DMD: variants seen among roughly 807,000 people sequenced by gnomAD.
DMD encodes the protein mutant dystrophin.
In DMD, 63 loss-of-function variants were observed where a neutral mutation model predicts 330.1. That is an observed-to-expected ratio of 0.19 (90% CI 0.16 to 0.24). The LOEUF is 0.24. DMD is among the 10% of genes least tolerant of loss of function. The pLI is 1.00. For synonymous variants in DMD, 1,223 were observed against 959.8 expected (o/e 1.27, Z -5.07); for missense variants, 3,344 against 2,684.1 (o/e 1.25, Z -5.43).
intron 47 of DMD, among the ~76,000 whole-genome samples, chrX:31,889,783 T>TA (rs1282148180): frequency 1.8e-5 from 2 of 109,364 alleles, no homozygotes; most frequent in Non-Finnish European, 3.8e-5. Flanking sequence ...AAAGTAGCAC[T>TA]AAACAAGGGC....
intron 4 of DMD, among the ~76,000 whole-genome samples, chrX:32,823,698 G>A (rs2078465668): frequency 9.0e-6 from 1 of 111,514 alleles, no homozygotes; most frequent in African/African-American, 3.3e-5. Flanking sequence ...TTCTAGTATG[G>A]AATTACAACT....
At position 31,232,814 on chromosome X, in the gene DMD, CAG is replaced by C. The variant is rs769900667; in HGVS notation, c.9287-9695_9287-9694del. On this transcript the variant is annotated intron_variant, in intron 63 of 78. Transcript: ENST00000357033. ...TGGAAGTGGGAGAAGGCACTGGAAA[CAG>C]AGGGATTACATACCAGCTCTGCATC... Among the ~76,000 whole-genome samples the C allele has an allele frequency of 9.8e-5, 11 of 111,931 alleles. 1 individual carries two copies. In the East Asian group the frequency reaches 3.1e-3, roughly 31 times the overall value.
intron 2 of DMD, among the ~76,000 whole-genome samples, chrX:32,975,480 G>A (rs4322157): frequency 0.46 from 49,105 of 105,728 alleles, 9,225 homozygotes; most frequent in African/African-American, 0.67. Context: ...AGTAGATAGG[G>A]AGGAGTCCTT....
At chrX:32,397,860 AT>A (rs745497968) in intron 30 of DMD, among the ~76,000 whole-genome samples, 9 of 111,517 alleles carry the variant, frequency 8.1e-5, no homozygotes, top group African/African-American at 2.9e-4. Context: ...AGAAAATGAT[AT>A]CAAATAATTA....
chrX:33,171,040 C>T (rs774448091), intron 1 of DMD, among the ~76,000 whole-genome samples: 61 of 111,686 alleles, frequency 5.5e-4, no homozygotes, highest in African/African-American at 2.0e-3. Flanking sequence ...TGTGTCAATC[C>T]TTCTGACAAT....
chrX:32,982,396 T>C (rs1318411733), intron 2 of DMD, among the ~76,000 whole-genome samples: 1 of 111,866 alleles, frequency 8.9e-6, no homozygotes, highest in African/African-American at 3.2e-5. Context: ...ATATCTGCAC[T>C]ATGGATTTTT....
intron 60 of DMD, among the ~76,000 whole-genome samples, chrX:31,373,598 G>A (rs923071774): frequency 3.8e-5 from 4 of 106,436 alleles, no homozygotes; most frequent in African/African-American, 1.4e-4. Context: ...AAATGGTGCT[G>A]GGAAAACTGG....
rs1207796595 is a variant in DMD, at chrX:31,955,307, T to A, written c.6614+13032A>T. On this transcript the variant is annotated intron_variant, in intron 45 of 78. Transcript: ENST00000357033. ...ATAATCATAAATGTAGTGGGGAATA[T>A]TCACTTTCTTATTTGTTCTACCCTG... Among the ~76,000 whole-genome samples the A allele has an allele frequency of 1.2e-4, 13 of 112,331 alleles. 1 individual carries two copies. The highest frequency in any genetic ancestry group is 3.8e-5 in the Non-Finnish European group (2 of 53,294).
chrX:32,448,780 C>T (rs1163021724), intron 26 of DMD, 142 bp from the exon 27 acceptor site: 1 of 521,040 alleles, frequency 1.9e-6, no homozygotes, highest in Non-Finnish European at 3.0e-6. Context: ...GAACTCCAGT[C>T]TCTTCCATAA....
chrX:31,711,481 G>A (rs923606288), intron 52 of DMD, among the ~76,000 whole-genome samples: 1 of 110,921 alleles, frequency 9.0e-6, no homozygotes, highest in African/African-American at 3.3e-5. Context: ...TTATTTTTAG[G>A]AAGTCAATCT....
chrX:32,345,603 G>C (rs2097761093), intron 39 of DMD, among the ~76,000 whole-genome samples: 1 of 111,086 alleles, frequency 9.0e-6, no homozygotes, highest in East Asian at 2.8e-4. Flanking sequence ...GATACATGTA[G>C]ATCGGTTATT....
At chrX:32,219,246 C>A (rs1195224884) in intron 43 of DMD, among the ~76,000 whole-genome samples, 2 of 111,796 alleles carry the variant, frequency 1.8e-5, no homozygotes, top group Admixed American at 1.9e-4. Flanking sequence ...ATTTAGCATT[C>A]ATATATTTTC....
intron 3 of DMD, among the ~76,000 whole-genome samples, chrX:32,847,938 T>C (rs1354705526): frequency 8.9e-6 from 1 of 112,303 alleles, no homozygotes; most frequent in Admixed American, 9.4e-5. Context: ...ACATCATAAG[T>C]TTAGAGAAAG....
At chrX:32,484,630 T>C (rs1203890240) in intron 21 of DMD, among the ~76,000 whole-genome samples, 2 of 112,092 alleles carry the variant, frequency 1.8e-5, no homozygotes, top group Non-Finnish European at 3.8e-5. Context: ...GCTCTTTTAT[T>C]TTCTTCTATA....
At chrX:31,690,330 A>G (rs1263383796) in intron 52 of DMD, among the ~76,000 whole-genome samples, 1 of 112,514 alleles carries the variant, frequency 8.9e-6, no homozygotes, top group African/African-American at 3.2e-5. Context: ...ACACTTCTCA[A>G]AAGAAGACAT....
chrX:31,593,368 G>A (rs1043884557), intron 55 of DMD, among the ~76,000 whole-genome samples: 1 of 111,278 alleles, frequency 9.0e-6, no homozygotes, highest in Non-Finnish European at 1.9e-5. Context: ...ACATTAGATT[G>A]AGCTGAGTAG....
intron 1 of DMD, among the ~76,000 whole-genome samples, chrX:33,174,471 C>T (rs763284508): frequency 2.3e-4 from 26 of 111,759 alleles, no homozygotes; most frequent in African/African-American, 7.8e-4. Context: ...TTGAATGTGG[C>T]ATCTACCCAA....
intron 25 of DMD, among the ~76,000 whole-genome samples, chrX:32,461,452 G>C (rs1342442943): frequency 9.0e-6 from 1 of 111,338 alleles, no homozygotes; most frequent in Non-Finnish European, 1.9e-5. Flanking sequence ...AGAAAATGGA[G>C]ATCAGAACAT....
At chrX:32,599,857 C>T (rs1014752072) in intron 12 of DMD, among the ~76,000 whole-genome samples, 2 of 111,479 alleles carry the variant, frequency 1.8e-5, no homozygotes, top group Non-Finnish European at 3.8e-5. Flanking sequence ...ATTTCATTAC[C>T]ATTATTAGAT....
Sources: gnomAD v4.1 joint callset for allele counts (sites outside exome capture counted in the v4.1 genomes callset) on GRCh38, gnomAD v4.1.1 for gene constraint, MANE v1.5 for transcripts, NCBI Gene and HGNC (gene_info 2026-07-23, HGNC 2026-07-21) for gene names.